ADAM22: variants seen among roughly 807,000 people sequenced by gnomAD.
ADAM22 encodes the protein ADAM metallopeptidase domain 22.
In ADAM22, 65 loss-of-function variants were observed where a neutral mutation model predicts 144.6. That is an observed-to-expected ratio of 0.45 (90% confidence interval 0.37 to 0.55). ADAM22 has a LOEUF of 0.55. ADAM22 is among the 20% of genes least tolerant of loss of function. The pLI is 0.00. For missense variants in ADAM22, 974 were observed against 1,184.9 expected, an observed-to-expected ratio of 0.82 and a Z score of 2.61; for synonymous variants, 391 against 412.6, an observed-to-expected ratio of 0.95 and a Z score of 0.63.
intron 17 of ADAM22, 97 bp downstream of exon 17, chr7:88,145,604 C>T: frequency 3.1e-6 from 3 of 965,126 alleles, no homozygotes; most frequent in Non-Finnish European, 4.7e-6. Flanking sequence ...GAAATAGTAT[C>T]TAACATATAT....
chr7:88,075,517 TG>T, intron 3 of ADAM22, 108 bp from the exon 4 acceptor site: 1 of 854,974 alleles, frequency 1.2e-6, no homozygotes, highest in Non-Finnish European at 2.0e-6. Context: ...AGTGTTGATT[TG>T]GGGGGCTTAA....
intron 5 of ADAM22, among the ~76,000 whole-genome samples, chr7:88,111,001 A>G (rs1387876462): frequency 6.7e-6 from 1 of 148,426 alleles, no homozygotes; most frequent in Non-Finnish European, 1.5e-5. Context: ...TCAGCCTCCC[A>G]AAGTGCTGAG....
intron 2 of ADAM22, among the ~76,000 whole-genome samples, chr7:87,946,207 C>T (rs1440610682): frequency 6.6e-6 from 1 of 151,790 alleles, no homozygotes; most frequent in African/African-American, 2.4e-5. Context: ...TGTCTTTTGC[C>T]TATGTTTTAT....
intron 25 of ADAM22, chr7:88,168,501 A>C (rs750539018): frequency 6.3e-5 from 29 of 457,072 alleles, no homozygotes; most frequent in Admixed American, 1.1e-4. Flanking sequence ...AATTTGTAAA[A>C]ACTGGTAAGT....
At chr7:88,050,586 T>G (rs1585259192) in intron 3 of ADAM22, among the ~76,000 whole-genome samples, 2 of 152,172 alleles carry the variant, frequency 1.3e-5, no homozygotes, top group Admixed American at 6.5e-5. Flanking sequence ...GATTTTTCTT[T>G]GATTTGCATT....
In ADAM22 at chr7:88,012,876, G is replaced by A. The variant is rs115446309; in HGVS notation, c.323+34464G>A. On this transcript the variant is annotated intron_variant, in intron 3 of 31. Transcript: ENST00000413139. ...TTCTGTTAGGTAGGATAAAGTTCTG[G>A]TGAAGTCCTTCCCTGTGGAGAGTAG... Among the ~76,000 whole-genome samples the A allele has an allele frequency of 1.9e-3, 295 of 152,324 alleles. 3 individuals carry two copies. Among genetic ancestry groups the A allele is most frequent in the African/African-American group, 6.7e-3 (279 of 41,566 alleles).
intron 14 of ADAM22, among the ~76,000 whole-genome samples, chr7:88,139,291 G>A (rs1236189800): frequency 2.0e-5 from 3 of 152,008 alleles, no homozygotes; most frequent in Admixed American, 6.6e-5. Flanking sequence ...GATGGCAGGC[G>A]CCTCTAATCC....
intron 4 of ADAM22, among the ~76,000 whole-genome samples, chr7:88,102,409 T>C (rs1161811287): frequency 6.6e-6 from 1 of 152,150 alleles, no homozygotes; most frequent in Non-Finnish European, 1.5e-5. Flanking sequence ...GAGGAGCATT[T>C]CTCTTGTACA....
At chr7:88,018,792 A>G (rs1463220833) in intron 3 of ADAM22, among the ~76,000 whole-genome samples, 2 of 152,196 alleles carry the variant, frequency 1.3e-5, no homozygotes, top group Admixed American at 1.3e-4. Flanking sequence ...AGCAGTGAAT[A>G]ATGGCTCCTT....
rs1562916692 is a variant in ADAM22, at chr7:87,982,693, ATATATAAT to A, written c.323+4283_323+4290del. On this transcript the variant is annotated intron_variant, in intron 3 of 31. Transcript: ENST00000413139. ...TACATATATATATATATATATATAT[ATATATAAT>A]TTTTTTTTTTGAGATACAGTTTTGC... is the stretch of plus-strand genomic sequence containing the variant. 5.9e-4 allele frequency among the ~76,000 whole-genome samples: 43 copies of A among 72,696 alleles called. 3 individuals carry two copies. The highest frequency in any genetic ancestry group is 1.2e-3 in the African/African-American group (16 of 13,092). 47.7% of individuals were successfully genotyped at this position (72,696 alleles called of 152,430 possible).
chr7:88,137,349 C>T (rs1833245660), intron 14 of ADAM22, among the ~76,000 whole-genome samples: 1 of 152,068 alleles, frequency 6.6e-6, no homozygotes, highest in Non-Finnish European at 1.5e-5. Flanking sequence ...ATTTAGATGC[C>T]CATAATCTTT....
rs184941207 is a variant in ADAM22, at chr7:88,017,896, A to T, written c.323+39484A>T. The stretch of plus-strand genomic sequence containing the variant: ...AGTTTTTCACAAAGAATAAAAAAAA[A>T]TTTGTTTTACATTTTTTTTCTCCAC... On this transcript the variant is annotated intron_variant, in intron 3 of 31. Coordinates refer to ENST00000413139, the MANE Select transcript of ADAM22 (RefSeq NM_001324418.2). Among the ~76,000 whole-genome samples the T allele has an allele frequency of 4.4e-3, 670 of 152,126 alleles. 2 individuals carry two copies. The highest frequency in any genetic ancestry group is 0.015 in the African/African-American group (635 of 41,500).
intron 2 of ADAM22, among the ~76,000 whole-genome samples, chr7:87,953,370 T>G (rs1270223976): frequency 6.6e-6 from 1 of 152,188 alleles, no homozygotes; most frequent in Admixed American, 6.5e-5. Context: ...TCAAAGAACA[T>G]CTTTATTTCT....
At chr7:88,050,689 C>T (rs890872783) in intron 3 of ADAM22, among the ~76,000 whole-genome samples, 2 of 152,070 alleles carry the variant, frequency 1.3e-5, no homozygotes, top group African/African-American at 4.8e-5. Flanking sequence ...ATCCTTCACC[C>T]ACTTTTTGAT....
rs1379996653 is a variant in ADAM22, at chr7:88,039,462, A to ATAT, written c.324-36164_324-36163insTAT. Among the ~76,000 whole-genome samples, 537 of 75,768 alleles carry ATAT rather than the reference A, an allele frequency of 7.1e-3. 9 individuals carry two copies. Among genetic ancestry groups the ATAT allele is most frequent in the African/African-American group, 0.024 (473 of 19,610 alleles). 49.7% of individuals were successfully genotyped at this position (75,768 alleles called of 152,430 possible). Reference sequence around the variant, plus strand: ...GAGATTCTGTCTCAAAAAAAAAAAAAAAATATATATATATATATATATACA... The same window carrying ATAT: ...GAGATTCTGTCTCAAAAAAAAAAAAATATAAATATATATATATATATATATACA... On this transcript the variant is annotated intron_variant, in intron 3 of 31. Coordinates refer to ENST00000413139, the MANE Select transcript of ADAM22 (RefSeq NM_001324418.2).
intron 30 of ADAM22, among the ~76,000 whole-genome samples, chr7:88,190,999 C>T (rs992613362): frequency 1.3e-5 from 2 of 151,706 alleles, no homozygotes; most frequent in Admixed American, 6.6e-5. Flanking sequence ...CTCATCCCCC[C>T]AAGATAATCA....
chr7:88,025,498 T>C (rs1487363621), intron 3 of ADAM22, among the ~76,000 whole-genome samples: 3 of 152,218 alleles, frequency 2.0e-5, no homozygotes, highest in Admixed American at 6.5e-5. Flanking sequence ...TTTCAGAGTT[T>C]AAGGTCTTAG....
At chr7:88,190,704 G>A (rs895511084) in intron 30 of ADAM22, among the ~76,000 whole-genome samples, 6 of 152,128 alleles carry the variant, frequency 3.9e-5, no homozygotes, top group African/African-American at 1.4e-4. Context: ...CCTGGAGATC[G>A]TTTTGAAGAA....
At chr7:88,109,562 T>C (rs1371344543) in intron 5 of ADAM22, among the ~76,000 whole-genome samples, 2 of 152,240 alleles carry the variant, frequency 1.3e-5, no homozygotes, top group Middle Eastern at 3.4e-3. Flanking sequence ...ATGTGGCTTT[T>C]CATCTAACAA....
Sources: allele counts gnomAD v4.1 joint callset (sites outside exome capture counted in the v4.1 genomes callset), GRCh38; gene constraint gnomAD v4.1.1; transcripts MANE v1.5; gene names NCBI Gene and HGNC (gene_info 2026-07-23, HGNC 2026-07-21).